The following ARNT variants were observed in gnomAD, a reference collection of about 807,000 sequenced individuals.
ARNT encodes aryl hydrocarbon receptor nuclear translocator.
Under a neutral mutation model 105.0 loss-of-function variants are expected in ARNT, and 30 were observed. That is an observed-to-expected ratio of 0.29 (90% CI 0.21 to 0.39). The LOEUF (loss-of-function observed/expected upper bound fraction) is 0.39. Among genes scored for constraint, ARNT ranks in the 10% least tolerant of loss-of-function variants. The probability of loss-of-function intolerance (pLI) is 1.00; values close to 1 mark genes in which losing one functional copy is unlikely to be tolerated. For synonymous variants in ARNT, 304 were observed against 344.0 expected (o/e 0.88, Z 1.29); for missense variants, 748 against 978.7 (o/e 0.76, Z 3.15).
chr1:150,831,829 C>G lies in ARNT; in HGVS notation c.944G>C (p.Trp315Ser). Residue 315 changes from tryptophan (W) to serine (S), a missense_variant, in exon 10 of 22, where the codon TGG becomes TCG. By Grantham distance (177) the Trp-to-Ser change is radical. Coordinates refer to ENST00000358595, the MANE Select transcript of ARNT (RefSeq NM_001668.4). ...VVHCTGYIKAWPPAGVSLPDD... is the reference protein window; with the variant it reads ...VVHCTGYIKASPPAGVSLPDD... ...TTTCACTTTCTTACCTGCTGGGGGC[C>G]AGGCCTTGATGTAGCCTGTGCAGTG... The G allele has an allele frequency of 6.2e-7, 1 of 1,606,150 alleles. No individual in the cohort carries two copies. Among genetic ancestry groups the G allele is most frequent in the Non-Finnish European group, 8.5e-7 (1 of 1,177,424 alleles).
At chr1:150,815,948 G>C (rs1450087971) in intron 19 of ARNT, among the ~76,000 whole-genome samples, 3 of 151,580 alleles carry the variant, frequency 2.0e-5, no homozygotes, top group African/African-American at 7.3e-5. Context: ...CTTTGCTCCT[G>C]CCTTATGGAG....
intron 1 of ARNT, among the ~76,000 whole-genome samples, chr1:150,861,977 A>G (rs1178500762): frequency 2.0e-5 from 3 of 152,322 alleles, no homozygotes; most frequent in Non-Finnish European, 4.4e-5. Context: ...GAATAGGTTA[A>G]GTGTATTAAA....
chr1:150,868,597 G>T (rs587647960), intron 1 of ARNT, among the ~76,000 whole-genome samples: 3 of 152,242 alleles, frequency 2.0e-5, no homozygotes, highest in African/African-American at 7.2e-5. Flanking sequence ...CTCGAGGACA[G>T]TAGTTCAAGA....
chr1:150,863,812 T>C (rs1012103979), intron 1 of ARNT, among the ~76,000 whole-genome samples: 13 of 150,596 alleles, frequency 8.6e-5, no homozygotes, highest in African/African-American at 1.5e-4. Flanking sequence ...CAAAACTCCG[T>C]CTCAAAAAAA....
intron 1 of ARNT, among the ~76,000 whole-genome samples, chr1:150,872,241 C>T (rs1667574817): frequency 6.6e-6 from 1 of 152,168 alleles, no homozygotes; most frequent in Non-Finnish European, 1.5e-5. Context: ...GCACGAGCCA[C>T]CACACCTGGC....
At chr1:150,861,046 C>T (rs1157208367) in intron 1 of ARNT, among the ~76,000 whole-genome samples, 1 of 151,950 alleles carries the variant, frequency 6.6e-6, no homozygotes, top group Non-Finnish European at 1.5e-5. Flanking sequence ...CAAATCAAAA[C>T]CACAATGAGA....
chr1:150,856,960 C>T (rs1047134715), intron 2 of ARNT, among the ~76,000 whole-genome samples: 2 of 148,722 alleles, frequency 1.3e-5, no homozygotes, highest in Admixed American at 6.7e-5. Flanking sequence ...TCTAAAAAAA[C>T]CAAAAAGAAA....
chr1:150,876,424 CCCCCG>C (rs1237688534), intron 1 of ARNT, 114 bp downstream of exon 1: 5 of 1,469,424 alleles, frequency 3.4e-6, no homozygotes, highest in African/African-American at 1.5e-5. Flanking sequence ...TCTCTCGCGG[CCCCCG>C]CCCCGCCCCG....
At chr1:150,847,597 G>C (rs1297686192) in intron 3 of ARNT, among the ~76,000 whole-genome samples, 2 of 152,094 alleles carry the variant, frequency 1.3e-5, no homozygotes, top group African/African-American at 4.8e-5. Context: ...GGATTTTATG[G>C]AAGCAATGAC....
chr1:150,867,342 C>G (rs1005146372), intron 1 of ARNT, among the ~76,000 whole-genome samples: 16 of 150,860 alleles, frequency 1.1e-4, no homozygotes, highest in African/African-American at 3.9e-4. Flanking sequence ...CCAGTCTGGG[C>G]AATACAGTGA....
At chr1:150,834,000 T>C (rs924772129) in intron 8 of ARNT, among the ~76,000 whole-genome samples, 4 of 151,672 alleles carry the variant, frequency 2.6e-5, no homozygotes, top group African/African-American at 7.3e-5. Flanking sequence ...AATGGCACAA[T>C]CTCGGCTCAC....
Position 150,876,572 on chromosome 1 carries a change from G to A in ARNT, c.-5C>T, listed in dbSNP as rs1430535346. 4.5e-6 allele frequency: 7 copies of A among 1,541,974 alleles called. No homozygotes were observed. Among genetic ancestry groups the A allele is most frequent in the Non-Finnish European group, 4.4e-6 (5 of 1,144,926 alleles). ...GTTGGCAGTAGTCGCCGCCATGGCC[G>A]CAGATGCCACCGCCGCCGCGCCACC... On this transcript the variant is annotated 5_prime_UTR_variant, in exon 1 of 22. Transcript: ENST00000358595.
Position 150,824,305 on chromosome 1 carries a change from C to A in ARNT, c.1243-960G>T, listed in dbSNP as rs187349104. On this transcript the variant is annotated intron_variant, in intron 13 of 21. Coordinates refer to ENST00000358595, the MANE Select transcript of ARNT (RefSeq NM_001668.4). ...GAAGGAAAAGACTGTTTCCCTACTT[C>A]CCTTGGGAAATCCATTAAAGATACT... Among the ~76,000 whole-genome samples, 23 of 151,994 alleles carry A rather than the reference C, an allele frequency of 1.5e-4. 1 individual carries two copies. Among genetic ancestry groups the A allele is most frequent in the Admixed American group, 4.6e-4 (7 of 15,272 alleles).
chr1:150,853,208 G>A lies in ARNT; in HGVS notation c.138-402C>T, dbSNP rs587633088. The A allele has an allele frequency of 6.9e-5, 22 of 320,400 alleles. 1 individual carries two copies. Among genetic ancestry groups the A allele is most frequent in the Middle Eastern group, 5.6e-4 (1 of 1,794 alleles). The allele number at this position is 320,400 out of a possible 1,614,324, so 19.8% of individuals were successfully genotyped here. On this transcript the variant is annotated intron_variant, in intron 2 of 21. Transcript: ENST00000358595. ...AGGCAGGAGAATTGCTGGAACCCGG[G>A]AGGTGGAGGTTTCAGTGAGCCAAGA...
At chr1:150,823,073 C>T (rs10305721) in intron 14 of ARNT, 121 bp downstream of exon 14, 30 of 1,026,734 alleles carry the variant, frequency 2.9e-5, no homozygotes, top group Admixed American at 2.1e-4. Flanking sequence ...CATGCCACCA[C>T]GCCCGGCTAA....
intron 13 of ARNT, among the ~76,000 whole-genome samples, chr1:150,826,272 C>T (rs1658244583): frequency 1.3e-5 from 2 of 152,284 alleles, no homozygotes; most frequent in Non-Finnish European, 1.5e-5. Flanking sequence ...GCCACCATGC[C>T]TGGCGCAATA....
intron 11 of ARNT, among the ~76,000 whole-genome samples, 192 bp downstream of exon 11, chr1:150,829,712 C>G (rs886907913): frequency 4.6e-5 from 7 of 152,188 alleles, no homozygotes; most frequent in African/African-American, 7.2e-5. Context: ...GATCTCCCTC[C>G]TCTCATACTT....
At chr1:150,822,858 G>C (rs1012560025) in intron 14 of ARNT, among the ~76,000 whole-genome samples, 1 of 152,168 alleles carries the variant, frequency 6.6e-6, no homozygotes, top group Admixed American at 6.5e-5. Flanking sequence ...AGTAGATAGT[G>C]AACTGAATTG....
chr1:150,831,899 C>G lies in ARNT; in HGVS notation c.874G>C (p.Gly292Arg). The change falls in exon 10 of 22, where the codon GGA (glycine) becomes CGA (arginine). Residue 292 changes from glycine (G) to arginine (R), a missense_variant. This residue lies in a region of ARNT where 291 missense variants were observed against 444.6 expected (regional missense o/e 0.65). Transcript: ENST00000358595. ...LSFVRNRCRNGLGSVKDGEPH... is the reference protein window; with the variant it reads ...LSFVRNRCRNRLGSVKDGEPH... ...TCCCCATCCTTTACAGAGCCAAGTC[C>G]ATTCCTAGAAGAGTTACAGGAGTTT... The G allele has an allele frequency of 6.5e-7, 1 of 1,544,098 alleles. No homozygotes were observed. The highest frequency in any genetic ancestry group is 1.2e-5 in the South Asian group (1 of 84,172).
Sources: allele counts gnomAD v4.1 joint callset (sites outside exome capture counted in the v4.1 genomes callset), GRCh38; gene constraint gnomAD v4.1.1; regional missense constraint gnomAD v4.1.1; transcripts MANE v1.5; gene names NCBI Gene and HGNC (gene_info 2026-07-23, HGNC 2026-07-21).